The following SRR variants were observed in gnomAD, a reference collection of about 807,000 sequenced individuals.
SRR encodes serine racemase, also known as D-serine ammonia-lyase.
Under a neutral mutation model 32.7 loss-of-function variants are expected in SRR, and 19 were observed. The ratio of observed to expected loss-of-function variants is 0.58; its 90% CI spans 0.40 to 0.85. The LOEUF is 0.85. Among genes scored for constraint, SRR ranks in the 40% least tolerant of loss-of-function variants. The pLI is 0.00. For synonymous variants in SRR, 142 were observed against 140.9 expected (o/e 1.01, Z -0.06); for missense variants, 373 against 404.7 (o/e 0.92, Z 0.67).
chr17:2,325,031 T>C lies in SRR; in HGVS notation c.*1158T>C. 1.6e-6 allele frequency: 1 copy of C among 624,934 alleles called. No homozygotes were observed. Among genetic ancestry groups the C allele is most frequent in the Non-Finnish European group, 2.7e-6 (1 of 372,040 alleles). The allele number at this position is 624,934 out of a possible 1,614,324, so 38.7% of individuals were successfully genotyped here. On this transcript the variant is annotated 3_prime_UTR_variant, in exon 8 of 8. Transcript: ENST00000344595. ...AAAACTTGTACTTCAAGAGAAATGA[T>C]GTATAACAAAACCATACTTTTTCTC... is the stretch of plus-strand genomic sequence containing the variant.
chr17:2,322,230 ACT>A (rs2075535690), intron 6 of SRR, among the ~76,000 whole-genome samples: 2 of 151,638 alleles, frequency 1.3e-5, no homozygotes, highest in South Asian at 2.1e-4. Context: ...CACCCAGCCA[ACT>A]CTCTTCTTAA....
At chr17:2,306,884 A>G in intron 1 of SRR, 1 of 914,330 alleles carries the variant, frequency 1.1e-6, no homozygotes, top group South Asian at 1.3e-5. Context: ...ACACTCGCGG[A>G]CTGTGTGGTA....
chr17:2,315,381 T>C, intron 1 of SRR, 176 bp from the exon 2 acceptor site: 1 of 549,404 alleles, frequency 1.8e-6, no homozygotes, highest in Non-Finnish European at 2.9e-6. Context: ...CCAGAAAAAC[T>C]TCGTTCAGCT....
intron 1 of SRR, among the ~76,000 whole-genome samples, chr17:2,308,013 A>G (rs372678802): frequency 6.6e-6 from 1 of 151,072 alleles, no homozygotes; most frequent in South Asian, 2.1e-4. Flanking sequence ...TGCTAAATGT[A>G]ATAGTCTGAT....
rs2075565055 is a variant in SRR at position 2,324,785 on chromosome 17, G to T, written c.*912G>T. ...ACTCTCTTGATGACCATTCTGTCTGGATCTACTGACATAAGATGGCCTGTA... is the reference window on the plus strand; with the variant it reads ...ACTCTCTTGATGACCATTCTGTCTGTATCTACTGACATAAGATGGCCTGTA... On this transcript the variant is annotated 3_prime_UTR_variant, in exon 8 of 8. Transcript: ENST00000344595. The T allele has an allele frequency of 6.2e-7, 1 of 1,613,950 alleles. No homozygotes were observed. The highest frequency in any genetic ancestry group is 1.1e-5 in the South Asian group (1 of 91,064).
intron 1 of SRR, among the ~76,000 whole-genome samples, chr17:2,310,467 A>G (rs942529887): frequency 2.6e-5 from 4 of 152,004 alleles, no homozygotes; most frequent in African/African-American, 7.2e-5. Flanking sequence ...CCGCCCACCT[A>G]AAGTGCTGGG....
rs936735103 is a variant in SRR at position 2,303,980 on chromosome 17, G to A, written c.-42G>A. On this transcript the variant is annotated 5_prime_UTR_variant, in exon 1 of 8. Transcript: ENST00000344595. ...CAGAGGTGCGGCCGGGGAGGCGCGC[G>A]GAGGCTGGAGCTGGAGGCGCGGCGC... 2 of 360,164 alleles carry A rather than the reference G, an allele frequency of 5.6e-6. No individual in the cohort carries two copies. The highest frequency in any genetic ancestry group is 2.2e-5 in the African/African-American group (1 of 46,306). 22.3% of individuals were successfully genotyped at this position (360,164 alleles called of 1,614,324 possible). A position where few individuals can be genotyped will look rare whatever the true frequency, so the allele number is the denominator to read the frequency against.
chr17:2,305,695 T>C (rs2075384064), intron 1 of SRR, among the ~76,000 whole-genome samples: 1 of 151,742 alleles, frequency 6.6e-6, no homozygotes, highest in Non-Finnish European at 1.5e-5. Context: ...GCTGCTGAGA[T>C]TTTTTGTTTT....
intron 1 of SRR, among the ~76,000 whole-genome samples, chr17:2,315,019 G>A (rs1190528105): frequency 4.0e-5 from 6 of 151,890 alleles, no homozygotes; most frequent in Admixed American, 2.6e-4. Flanking sequence ...CGAGGCAGGC[G>A]GATCACGAGG....
At chr17:2,303,597 G>A, upstream of SRR, 4 of 1,394,144 alleles carry the variant, frequency 2.9e-6, no homozygotes, top group East Asian at 3.1e-5. Flanking sequence ...GGCGGGGCGG[G>A]CAGGCCCGGC....
At position 2,324,101 on chromosome 17, in the gene SRR, C is replaced by G; in HGVS notation, c.*228C>G. 6.9e-7 allele frequency: 1 copy of G among 1,455,578 alleles called. No individual in the cohort carries two copies. The highest frequency in any genetic ancestry group is 2.3e-5 in the East Asian group (1 of 43,602). The allele number at this position is 1,455,578 out of a possible 1,614,324, so 90.2% of individuals were successfully genotyped here. On this transcript the variant is annotated 3_prime_UTR_variant, in exon 8 of 8. Transcript: ENST00000344595. ...CAAAATGGGGCAGTGGACTGACAGG[C>G]TGACATAGAAAATAAACTTTGCCCA...
intron 2 of SRR, among the ~76,000 whole-genome samples, chr17:2,317,600 C>T (rs1159791965): frequency 1.3e-5 from 2 of 151,938 alleles, no homozygotes; most frequent in Non-Finnish European, 2.9e-5. Flanking sequence ...AGGAAAATCA[C>T]TTGAACCCGG....
intron 1 of SRR, among the ~76,000 whole-genome samples, chr17:2,313,754 A>G (rs1310494569): frequency 6.6e-6 from 1 of 152,090 alleles, no homozygotes; most frequent in African/African-American, 2.4e-5. Context: ...CAAAAAAAAA[A>G]TGTTGATAAA....
rs1295472151 is a variant in SRR, at chr17:2,317,951, A to G, written c.250A>G (p.Ser84Gly). The G allele has an allele frequency of 1.2e-6, 2 of 1,613,922 alleles. No homozygotes were observed. ...RKPKAVVTHSSGNHGQALTYA... is the reference protein window; with the variant it reads ...RKPKAVVTHSGGNHGQALTYA... ...GCCGAAAGCTGTTGTTACTCACAGCAGTGGAAACCATGGCCAGGCTCTCAC... is the reference window on the plus strand; with the variant it reads ...GCCGAAAGCTGTTGTTACTCACAGCGGTGGAAACCATGGCCAGGCTCTCAC... Residue 84 changes from serine to glycine, a missense_variant, in exon 3 of 8, where the codon AGT (serine) becomes GGT (glycine). By Grantham distance (56) the Ser-to-Gly change is moderately conservative. Transcript: ENST00000344595.
At position 2,325,102 on chromosome 17, in the gene SRR, G is replaced by T; in HGVS notation, c.*1229G>T. ...GATGTTGAACAAAAGGCAGTTATTT[G>T]AGGACTGGCTATACACTGTTTCACG... On this transcript the variant is annotated 3_prime_UTR_variant, in exon 8 of 8. Coordinates refer to ENST00000344595, the MANE Select transcript of SRR (RefSeq NM_021947.3). The T allele has an allele frequency of 1.7e-6, 1 of 590,992 alleles. No individual in the cohort carries two copies. The highest frequency in any genetic ancestry group is 2.9e-6 in the Non-Finnish European group (1 of 344,844). The allele number at this position is 590,992 out of a possible 1,614,324, so 36.6% of individuals were successfully genotyped here. A position where few individuals can be genotyped will look rare whatever the true frequency, so the allele number is the denominator to read the frequency against.
At chr17:2,308,214 C>T (rs977559310) in intron 1 of SRR, among the ~76,000 whole-genome samples, 1 of 151,824 alleles carries the variant, frequency 6.6e-6, no homozygotes, top group Admixed American at 6.6e-5. Context: ...CTATAAGTAA[C>T]CTTATATGCT....
At chr17:2,308,606 C>G (rs1396472104) in intron 1 of SRR, among the ~76,000 whole-genome samples, 1 of 152,148 alleles carries the variant, frequency 6.6e-6, no homozygotes, top group East Asian at 1.9e-4. Context: ...CACCTGTAAT[C>G]CCAGTACTTT....
chr17:2,321,944 AT>A (rs1163941643), intron 6 of SRR, among the ~76,000 whole-genome samples: 3 of 151,900 alleles, frequency 2.0e-5, no homozygotes, highest in African/African-American at 7.2e-5. Context: ...CACCCCGCTA[AT>A]TTTTTTGTAT....
chr17:2,323,467 G>A (rs2075551578), intron 7 of SRR, 122 bp downstream of exon 7: 1 of 1,224,398 alleles, frequency 8.2e-7, no homozygotes, highest in Non-Finnish European at 1.2e-6. Flanking sequence ...TGACATGGGA[G>A]GGTACCCTAG....
Sources: gnomAD v4.1 joint callset for allele counts (sites outside exome capture counted in the v4.1 genomes callset) on GRCh38, gnomAD v4.1.1 for gene constraint, MANE v1.5 for transcripts, NCBI Gene and HGNC (gene_info 2026-07-23, HGNC 2026-07-21) for gene names.